The following SRPK2 variants were observed in gnomAD, a reference collection of about 807,000 sequenced individuals.
SRPK2 encodes SFRS protein kinase 2.
A neutral mutation model predicts 90.8 loss-of-function variants in SRPK2; 21 were observed. That is an observed-to-expected ratio of 0.23 (90% CI 0.16 to 0.33). SRPK2 has a LOEUF of 0.33. Among genes scored for constraint, SRPK2 ranks in the 10% least tolerant of loss-of-function variants. SRPK2 has a pLI of 1.00. For missense variants in SRPK2, 620 were observed against 869.0 expected (o/e 0.71, Z 3.60); for synonymous variants, 288 against 311.1 (o/e 0.93, Z 0.78).
At chr7:105,292,020 T>TA (rs1200442602) in intron 2 of SRPK2, among the ~76,000 whole-genome samples, 3 of 152,182 alleles carry the variant, frequency 2.0e-5, no homozygotes, top group African/African-American at 7.2e-5. Context: ...AATGATGGCC[T>TA]AGTCACCTCC....
intron 2 of SRPK2, among the ~76,000 whole-genome samples, chr7:105,271,703 T>G (rs1805855793): frequency 6.6e-6 from 1 of 152,228 alleles, no homozygotes; most frequent in Non-Finnish European, 1.5e-5. Context: ...CACAGACTCT[T>G]GAACCTCTAC....
intron 3 of SRPK2, among the ~76,000 whole-genome samples, chr7:105,192,419 C>A (rs905964736): frequency 6.6e-6 from 1 of 152,260 alleles, no homozygotes; most frequent in Admixed American, 6.5e-5. Flanking sequence ...ACTCCACACA[C>A]ACCACAGTTT....
intron 2 of SRPK2, among the ~76,000 whole-genome samples, chr7:105,386,201 C>T (rs1821572003): frequency 6.6e-6 from 1 of 151,736 alleles, no homozygotes; most frequent in South Asian, 2.1e-4. Context: ...GTAGTCCCAG[C>T]TACTCAGGAG....
chr7:105,147,014 G>C (rs1043393237), intron 7 of SRPK2, among the ~76,000 whole-genome samples: 3 of 152,150 alleles, frequency 2.0e-5, no homozygotes, highest in Non-Finnish European at 4.4e-5. Flanking sequence ...CCTACTCAAC[G>C]CGAAGATAAT....
At chr7:105,391,701 G>T (rs1822187887), upstream of SRPK2, among the ~76,000 whole-genome samples, 2 of 152,136 alleles carry the variant, frequency 1.3e-5, no homozygotes, top group African/African-American at 4.8e-5. Flanking sequence ...TGGAAAAAAA[G>T]TGTTGGTGGG....
intron 2 of SRPK2, among the ~76,000 whole-genome samples, chr7:105,341,683 CAG>C (rs767741518): frequency 2.8e-4 from 43 of 152,068 alleles, no homozygotes; most frequent in Middle Eastern, 3.4e-3. Context: ...AATAAAAAAA[CAG>C]GGGACGGGAG....
intron 13 of SRPK2, among the ~76,000 whole-genome samples, chr7:105,130,110 C>T (rs1455426839): frequency 6.6e-6 from 1 of 152,122 alleles, no homozygotes. Context: ...CAGATCCAAA[C>T]CCAACATACC....
At chr7:105,241,793 G>A (rs558639625) in intron 2 of SRPK2, among the ~76,000 whole-genome samples, 6 of 151,764 alleles carry the variant, frequency 4.0e-5, no homozygotes, top group South Asian at 4.2e-4. Flanking sequence ...CCCTTCACAC[G>A]TTCCATATCA....
chr7:105,254,540 G>A (rs1423128065), intron 2 of SRPK2, among the ~76,000 whole-genome samples: 1 of 152,118 alleles, frequency 6.6e-6, no homozygotes, highest in Admixed American at 6.5e-5. Context: ...TACTACAGAT[G>A]ATTATTTAAT....
In SRPK2 at chr7:105,221,165, A is replaced by T. The variant is rs151260731; in HGVS notation, c.72-17380T>A. Among the ~76,000 whole-genome samples, 326 of 152,234 alleles carry T rather than the reference A, an allele frequency of 2.1e-3. 11 individuals are homozygous for T. The East Asian group carries it at 0.059, about 28-fold the overall frequency. ...AGGAATATCCAAAACACCCTTCATA[A>T]AGTTGAAAAATCCTAAGTCAAGTCA... On this transcript the variant is annotated intron_variant, in intron 2 of 15. Transcript: ENST00000393651.
upstream of SRPK2, chr7:105,388,932 C>T (rs1419946740): frequency 2.5e-6 from 3 of 1,194,048 alleles, no homozygotes; most frequent in Non-Finnish European, 3.1e-6. Flanking sequence ...GCGCCGCCGC[C>T]GCCGCCGCCG....
At position 105,351,917 on chromosome 7, in the gene SRPK2, CAGG is replaced by C. The variant is rs1185056883; in HGVS notation, c.71+36728_71+36730del. On this transcript the variant is annotated intron_variant, in intron 2 of 15. Transcript: ENST00000393651. ...GACACCCTTATAATCCACTGTAAAG[CAGG>C]CTGTGCAGTTTGATGATCCCCAGTC... Among the ~76,000 whole-genome samples the C allele has an allele frequency of 3.8e-4, 7 of 18,482 alleles. No individual in the cohort carries two copies. The East Asian group carries it at 9.0e-3, about 24-fold the overall frequency. The allele number at this position is 18,482 out of a possible 152,430, so 12.1% of individuals were successfully genotyped here.
chr7:105,331,067 C>T (rs764376937), intron 2 of SRPK2, among the ~76,000 whole-genome samples: 5 of 151,730 alleles, frequency 3.3e-5, no homozygotes, highest in East Asian at 1.9e-4. Context: ...TTTGGGAGGC[C>T]GAGGTAGGTG....
chr7:105,319,720 G>A (rs1438144967), intron 2 of SRPK2, among the ~76,000 whole-genome samples: 8 of 152,054 alleles, frequency 5.3e-5, no homozygotes, highest in Non-Finnish European at 1.2e-4. Context: ...GCTGAGTCCT[G>A]GCAAATTCCA....
At position 105,187,386 on chromosome 7, in the gene SRPK2, C is replaced by T. The variant is rs146776043; in HGVS notation, c.229+16242G>A. On this transcript the variant is annotated intron_variant, in intron 3 of 15. Transcript: ENST00000393651. Reference sequence around the variant, plus strand: ...TTTTTCTTGCACAAATCTGACCCCACTCCCTAGAAGCTACAATCATTTCAT... The same window carrying T: ...TTTTTCTTGCACAAATCTGACCCCATTCCCTAGAAGCTACAATCATTTCAT... Among the ~76,000 whole-genome samples, 56 of 152,334 alleles carry T rather than the reference C, an allele frequency of 3.7e-4. No homozygotes were observed. The East Asian group carries it at 0.011, about 29-fold the overall frequency.
intron 15 of SRPK2, among the ~76,000 whole-genome samples, chr7:105,125,023 G>A (rs988732105): frequency 1.3e-5 from 2 of 151,672 alleles, no homozygotes; most frequent in African/African-American, 4.8e-5. Context: ...CCAGCTACAT[G>A]GGAGGCTGCG....
At chr7:105,119,714 A>T (rs1210973051) in intron 15 of SRPK2, among the ~76,000 whole-genome samples, 1 of 152,222 alleles carries the variant, frequency 6.6e-6, no homozygotes, top group Non-Finnish European at 1.5e-5. Context: ...CTGAACAGAG[A>T]CTGCAGGTTT....
chr7:105,132,704 C>T lies in SRPK2; in HGVS notation c.1752+87G>A, dbSNP rs139087792. The T allele has an allele frequency of 3.2e-3, 3,401 of 1,075,140 alleles. 12 individuals carry two copies. Among genetic ancestry groups the T allele is most frequent in the Non-Finnish European group, 3.9e-3 (2,892 of 742,932 alleles). 66.6% of individuals were successfully genotyped at this position (1,075,140 alleles called of 1,614,324 possible). ...CCCTTACAGTCAGAAAAACTGAGGT[C>T]GCATGCCTCAGAGAGACTCAGCCCC... is the stretch of plus-strand genomic sequence containing the variant. On this transcript the variant is annotated intron_variant, in intron 13 of 15. Coordinates refer to ENST00000393651, the MANE Select transcript of SRPK2 (RefSeq NM_182692.3).
intron 2 of SRPK2, among the ~76,000 whole-genome samples, chr7:105,293,609 G>A (rs911815130): frequency 1.4e-4 from 21 of 151,612 alleles, no homozygotes; most frequent in Admixed American, 8.6e-4. Flanking sequence ...TAGTAGAGAC[G>A]GGTTTCCACC....
Sources: allele counts gnomAD v4.1 joint callset (sites outside exome capture counted in the v4.1 genomes callset), GRCh38; gene constraint gnomAD v4.1.1; transcripts MANE v1.5; gene names NCBI Gene and HGNC (gene_info 2026-07-23, HGNC 2026-07-21).